The following CA10 variants were observed in gnomAD, a reference collection of about 807,000 sequenced individuals.
CA10 encodes the protein carbonic anhydrase 10 (inactive).
A neutral mutation model predicts 44.2 loss-of-function variants in CA10; 14 were observed. The ratio of observed to expected loss-of-function variants is 0.32; its 90% confidence interval spans 0.21 to 0.50. The LOEUF (loss-of-function observed/expected upper bound fraction) is 0.50. Ranked by LOEUF, CA10 falls within the 20% of genes least tolerant of loss-of-function variation. The probability of loss-of-function intolerance (pLI) is 0.99; values close to 1 mark genes in which losing one functional copy is unlikely to be tolerated. For synonymous variants in CA10, 159 were observed against 141.6 expected (o/e 1.12, Z -0.87); for missense variants, 350 against 409.7 (o/e 0.85, Z 1.26).
intron 3 of CA10, among the ~76,000 whole-genome samples, chr17:51,926,115 A>T (rs760737801): frequency 6.6e-6 from 1 of 152,210 alleles, no homozygotes; most frequent in Non-Finnish European, 1.5e-5. Context: ...TCTGCAGCAG[A>T]GACCAAACAC....
intron 2 of CA10, among the ~76,000 whole-genome samples, chr17:52,034,925 ATTAAC>A (rs937908301): frequency 2.0e-5 from 3 of 152,132 alleles, no homozygotes; most frequent in Admixed American, 6.6e-5. Context: ...GGGGAGTAGA[ATTAAC>A]TTTGATTACA....
At chr17:52,115,167 G>A (rs1988865967) in intron 1 of CA10, among the ~76,000 whole-genome samples, 1 of 152,286 alleles carries the variant, frequency 6.6e-6, no homozygotes, top group East Asian at 1.9e-4. Flanking sequence ...TGGTGGCCTG[G>A]TATTCAATCT....
intron 3 of CA10, among the ~76,000 whole-genome samples, chr17:51,867,637 A>G (rs958132131): frequency 6.6e-6 from 1 of 152,180 alleles, no homozygotes; most frequent in Non-Finnish European, 1.5e-5. Flanking sequence ...GCAAAAAACT[A>G]TCTATATTGT....
At chr17:51,806,806 A>T (rs1302254291) in intron 3 of CA10, among the ~76,000 whole-genome samples, 3 of 152,264 alleles carry the variant, frequency 2.0e-5, no homozygotes, top group African/African-American at 7.2e-5. Context: ...AATAATGTAT[A>T]GTATTCAAAG....
chr17:51,710,432 G>A (rs930466950), intron 4 of CA10, among the ~76,000 whole-genome samples: 8 of 152,190 alleles, frequency 5.3e-5, no homozygotes, highest in Admixed American at 3.9e-4. Context: ...CAATTTTAAA[G>A]GGCAGATAAA....
intron 3 of CA10, among the ~76,000 whole-genome samples, chr17:51,884,362 A>G (rs1980505792): frequency 6.6e-6 from 1 of 151,878 alleles, no homozygotes; most frequent in African/African-American, 2.4e-5. Flanking sequence ...CTCTCACCTC[A>G]TTGCCCTCTA....
intron 6 of CA10, among the ~76,000 whole-genome samples, chr17:51,638,522 A>C (rs1474729815): frequency 6.6e-6 from 1 of 152,238 alleles, no homozygotes; most frequent in Non-Finnish European, 1.5e-5. Context: ...ACAAAGCCAC[A>C]GTGCCCAGGG....
chr17:51,854,892 C>A (rs1978970152), intron 3 of CA10, among the ~76,000 whole-genome samples: 1 of 152,188 alleles, frequency 6.6e-6, no homozygotes, highest in Admixed American at 6.5e-5. Flanking sequence ...TTAAACCTCG[C>A]AACTACCTTA....
rs188487117 is a variant in CA10, at chr17:51,736,058, A to G, written c.465+11575T>C. 1.7e-4 allele frequency among the ~76,000 whole-genome samples: 26 copies of G among 152,142 alleles called. No homozygotes were observed. In the East Asian group the frequency reaches 5.0e-3, roughly 29 times the overall value. ...CATATTGTACAGTTTAAATTCTTAA[A>G]TTTTTTTTGTATGCAAACCATACCT... On this transcript the variant is annotated intron_variant, in intron 4 of 8. Coordinates refer to ENST00000451037, the MANE Select transcript of CA10 (RefSeq NM_020178.5).
chr17:51,824,090 T>G (rs1461307217), intron 3 of CA10, among the ~76,000 whole-genome samples: 5 of 152,234 alleles, frequency 3.3e-5, no homozygotes, highest in Non-Finnish European at 7.3e-5. Context: ...TTTTGTTTTG[T>G]TAACTTATAT....
chr17:51,863,702 G>C (rs766454843), intron 3 of CA10, among the ~76,000 whole-genome samples: 2 of 152,132 alleles, frequency 1.3e-5, no homozygotes, highest in African/African-American at 2.4e-5. Flanking sequence ...ACTCCTCCCA[G>C]AACTCAGGAT....
At chr17:51,840,689 A>G (rs1978312404) in intron 3 of CA10, among the ~76,000 whole-genome samples, 1 of 152,168 alleles carries the variant, frequency 6.6e-6, no homozygotes, top group African/African-American at 2.4e-5. Context: ...ATTCCCATGG[A>G]TCATACAAGT....
intron 3 of CA10, among the ~76,000 whole-genome samples, chr17:51,827,500 G>T (rs1908065362): frequency 6.6e-6 from 1 of 152,226 alleles, no homozygotes; most frequent in African/African-American, 2.4e-5. Context: ...TTTCTTACTT[G>T]AGGAACACTT....
At chr17:52,053,082 A>G (rs1393009336) in intron 2 of CA10, among the ~76,000 whole-genome samples, 1 of 152,094 alleles carries the variant, frequency 6.6e-6, no homozygotes, top group African/African-American at 2.4e-5. Context: ...ACAATTCTTT[A>G]GAGGACTAAA....
At chr17:51,747,491 C>G in intron 4 of CA10, 142 bp downstream of exon 4, 1 of 653,414 alleles carries the variant, frequency 1.5e-6, no homozygotes, top group East Asian at 2.7e-5. Flanking sequence ...TTGCAAAAGA[C>G]AGATGGAGAA....
chr17:51,929,118 C>G (rs1334717831), intron 3 of CA10, among the ~76,000 whole-genome samples: 1 of 151,982 alleles, frequency 6.6e-6, no homozygotes, highest in Non-Finnish European at 1.5e-5. Flanking sequence ...AAAAATATCT[C>G]TAAAACAAAA....
intron 3 of CA10, among the ~76,000 whole-genome samples, chr17:51,878,262 A>G (rs532857256): frequency 1.3e-3 from 197 of 152,218 alleles, no homozygotes; most frequent in Middle Eastern, 6.8e-3. Flanking sequence ...TCTAAGATTT[A>G]ACCACACTGA....
intron 5 of CA10, 61 bp downstream of exon 5, chr17:51,653,579 TA>T: frequency 1.1e-6 from 1 of 916,844 alleles, no homozygotes; most frequent in Non-Finnish European, 1.8e-6. Context: ...ACAGAGACCG[TA>T]AATTGGTATT....
chr17:51,925,531 G>A (rs1767293375), intron 3 of CA10, among the ~76,000 whole-genome samples: 1 of 152,006 alleles, frequency 6.6e-6, no homozygotes, highest in Admixed American at 6.6e-5. Context: ...GTAAAAAAGT[G>A]TGACAAACCT....
Sources: allele counts gnomAD v4.1 joint callset (sites outside exome capture counted in the v4.1 genomes callset), GRCh38; gene constraint gnomAD v4.1.1; transcripts MANE v1.5; gene names NCBI Gene and HGNC (gene_info 2026-07-23, HGNC 2026-07-21).